The following CSMD1 variants were observed in gnomAD, a reference collection of about 807,000 sequenced individuals.
CSMD1 encodes CUB and sushi domain-containing protein 1.
Under a neutral mutation model 417.5 loss-of-function variants are expected in CSMD1, and 213 were observed. The observed-to-expected ratio is 0.51, with a 90% confidence interval of 0.46 to 0.57. The LOEUF (loss-of-function observed/expected upper bound fraction) is 0.57. Ranked by LOEUF, CSMD1 falls within the 20% of genes least tolerant of loss-of-function variation. CSMD1 has a pLI of 0.00. For missense variants in CSMD1, 6,923 were observed against 4,529.7 expected, an observed-to-expected ratio of 1.53 and a Z score of -15.17; for synonymous variants, 2,862 against 1,736.8, an observed-to-expected ratio of 1.65 and a Z score of -16.11.
chr8:3,923,419 A>T (rs551776697), intron 5 of CSMD1, among the ~76,000 whole-genome samples: 1 of 152,286 alleles, frequency 6.6e-6, no homozygotes, highest in East Asian at 1.9e-4. Context: ...CAATTTGATT[A>T]TATTAATTTG....
At chr8:4,913,844 G>A (rs776177193) in intron 1 of CSMD1, among the ~76,000 whole-genome samples, 2 of 152,188 alleles carry the variant, frequency 1.3e-5, no homozygotes, top group Non-Finnish European at 2.9e-5. Flanking sequence ...AGCTTCTCCA[G>A]CCAGCAGCTG....
chr8:4,347,344 A>G (rs1225947247), intron 3 of CSMD1, among the ~76,000 whole-genome samples: 2 of 152,200 alleles, frequency 1.3e-5, no homozygotes, highest in African/African-American at 2.4e-5. Context: ...ACAAAACTAC[A>G]TAATATAATC....
chr8:3,968,433 T>C (rs1421656663), intron 5 of CSMD1, among the ~76,000 whole-genome samples: 1 of 152,088 alleles, frequency 6.6e-6, no homozygotes, highest in Non-Finnish European at 1.5e-5. Flanking sequence ...GGACACACAC[T>C]CAGCAACCCA....
chr8:4,080,112 A>T (rs766414671), intron 3 of CSMD1, among the ~76,000 whole-genome samples: 3 of 151,646 alleles, frequency 2.0e-5, no homozygotes, highest in Non-Finnish European at 2.9e-5. Flanking sequence ...CACTCGTTCC[A>T]TGTATACACC....
intron 3 of CSMD1, among the ~76,000 whole-genome samples, chr8:4,179,229 G>C (rs1798221060): frequency 3.3e-5 from 5 of 151,370 alleles, no homozygotes; most frequent in Non-Finnish European, 7.4e-5. Flanking sequence ...CCAAAACAGA[G>C]ATATAAATCA....
chr8:3,823,669 C>G (rs916739077), intron 5 of CSMD1, among the ~76,000 whole-genome samples: 1 of 151,908 alleles, frequency 6.6e-6, no homozygotes, highest in Non-Finnish European at 1.5e-5. Context: ...ATCATTTACA[C>G]GTTTTATGCA....
intron 5 of CSMD1, among the ~76,000 whole-genome samples, chr8:3,862,180 T>C (rs111263818): frequency 2.0e-5 from 3 of 152,204 alleles, no homozygotes; most frequent in African/African-American, 7.2e-5. Flanking sequence ...TACAACATCA[T>C]AGCAGGTTTT....
intron 2 of CSMD1, among the ~76,000 whole-genome samples, chr8:4,518,640 T>C (rs562004337): frequency 4.0e-5 from 6 of 149,850 alleles, no homozygotes; most frequent in Non-Finnish European, 8.9e-5. Flanking sequence ...GGGGGAGGAA[T>C]CGCATTAGGA....
chr8:3,297,456 G>C (rs527721394), intron 25 of CSMD1, among the ~76,000 whole-genome samples: 14 of 152,220 alleles, frequency 9.2e-5, no homozygotes, highest in African/African-American at 2.9e-4. Flanking sequence ...GTTAGGTTTT[G>C]TACTAGATAA....
At chr8:4,087,230 G>C (rs1202240385) in intron 3 of CSMD1, among the ~76,000 whole-genome samples, 1 of 152,138 alleles carries the variant, frequency 6.6e-6, no homozygotes, top group East Asian at 1.9e-4. Flanking sequence ...CCCAAGGAAC[G>C]GCTAAGTCCA....
intron 20 of CSMD1, among the ~76,000 whole-genome samples, chr8:3,360,631 G>A (rs934938473): frequency 6.6e-6 from 1 of 152,204 alleles, no homozygotes; most frequent in African/African-American, 2.4e-5. Context: ...TAAAAGATGT[G>A]CATTATTGCA....
Position 4,814,284 on chromosome 8 carries a change from T to C in CSMD1, c.86-176726A>G, listed in dbSNP as rs184383404. On this transcript the variant is annotated intron_variant, in intron 1 of 69. Coordinates refer to ENST00000635120, the MANE Select transcript of CSMD1 (RefSeq NM_033225.6). Reference sequence around the variant, plus strand: ...GTGGGGGATGGAGATTCGCTCTTAATGGCCAGGCTGGAGCGCAATGGCACA... The same window carrying C: ...GTGGGGGATGGAGATTCGCTCTTAACGGCCAGGCTGGAGCGCAATGGCACA... Among the ~76,000 whole-genome samples the C allele has an allele frequency of 2.2e-4, 34 of 152,272 alleles. No individual in the cohort carries two copies. The East Asian group carries it at 6.4e-3, about 29-fold the overall frequency.
intron 6 of CSMD1, among the ~76,000 whole-genome samples, chr8:3,732,648 T>A (rs1796328658): frequency 6.6e-6 from 1 of 152,198 alleles, no homozygotes; most frequent in African/African-American, 2.4e-5. Flanking sequence ...TTTGCTTGTT[T>A]GAACAGAGTT....
At chr8:3,050,233 G>A (rs1179027170) in intron 50 of CSMD1, among the ~76,000 whole-genome samples, 1 of 152,080 alleles carries the variant, frequency 6.6e-6, no homozygotes, top group Admixed American at 6.6e-5. Context: ...ATACCCAGTA[G>A]AGAACCACTG....
intron 3 of CSMD1, among the ~76,000 whole-genome samples, chr8:4,343,569 G>C (rs1348051883): frequency 2.0e-5 from 3 of 152,058 alleles, no homozygotes; most frequent in Non-Finnish European, 4.4e-5. Flanking sequence ...TATATCAATA[G>C]AGCTGGAATA....
At chr8:4,295,955 T>C (rs1047116740) in intron 3 of CSMD1, among the ~76,000 whole-genome samples, 1 of 151,446 alleles carries the variant, frequency 6.6e-6, no homozygotes, top group Non-Finnish European at 1.5e-5. Context: ...ACTCACTCTG[T>C]AGAACATTTT....
rs1441396501 is a variant in CSMD1, at chr8:4,440,394, GCT to G, written c.303-20331_303-20330del. Among the ~76,000 whole-genome samples the G allele has an allele frequency of 6.6e-5, 10 of 152,208 alleles. No individual in the cohort carries two copies. The East Asian group carries it at 1.9e-3, about 29-fold the overall frequency. On this transcript the variant is annotated intron_variant, in intron 2 of 69. Coordinates refer to ENST00000635120, the MANE Select transcript of CSMD1 (RefSeq NM_033225.6). ...ACAATGAATAAGGAGTCAGAGGATTGCTCTCACTCACACCTATATCTAATTAT... is the reference window on the plus strand; with the variant it reads ...ACAATGAATAAGGAGTCAGAGGATTGCTCACTCACACCTATATCTAATTAT...
chr8:4,600,059 G>C (rs918058034), intron 2 of CSMD1, among the ~76,000 whole-genome samples: 1 of 152,192 alleles, frequency 6.6e-6, no homozygotes, highest in African/African-American at 2.4e-5. Flanking sequence ...CCAATGGCTT[G>C]TCCTTCCCTT....
At position 3,403,162 on chromosome 8, in the gene CSMD1, G is replaced by A. The variant is rs139199955; in HGVS notation, c.2266+2865C>T. On this transcript the variant is annotated intron_variant, in intron 15 of 69. Transcript: ENST00000635120. ...TTTAATTTGTTAAGGTTCACTTTGT[G>A]GTCAGTTATATAATTGATTTAAACA... 6.7e-3 allele frequency among the ~76,000 whole-genome samples: 1,012 copies of A among 152,120 alleles called. 3 individuals are homozygous for A. Among genetic ancestry groups the A allele is most frequent in the Non-Finnish European group, 0.011 (757 of 68,006 alleles).
Sources: allele counts gnomAD v4.1 joint callset (sites outside exome capture counted in the v4.1 genomes callset), GRCh38; gene constraint gnomAD v4.1.1; transcripts MANE v1.5; gene names NCBI Gene and HGNC (gene_info 2026-07-23, HGNC 2026-07-21).